NRCAM: variants seen among roughly 807,000 people sequenced by gnomAD.
NRCAM encodes NgCAM-related cell adhesion molecule.
NRCAM carries 83 observed loss-of-function variants against 156.5 expected under a neutral mutation model. The observed-to-expected ratio is 0.53, with a 90% confidence interval of 0.44 to 0.64. The LOEUF (loss-of-function observed/expected upper bound fraction) is 0.64, where lower values mean the gene tolerates loss of function less well. NRCAM is among the 30% of genes least tolerant of loss of function. The pLI is 0.00. For synonymous variants in NRCAM, 538 were observed against 563.9 expected (o/e 0.95, Z 0.65); for missense variants, 1,417 against 1,597.3 (o/e 0.89, Z 1.92).
chr7:108,218,357 A>C (rs573212897), intron 11 of NRCAM, among the ~76,000 whole-genome samples: 1 of 152,328 alleles, frequency 6.6e-6, no homozygotes, highest in Admixed American at 6.5e-5. Flanking sequence ...TGGGAGCTGC[A>C]GATTGGAGCT....
intron 2 of NRCAM, among the ~76,000 whole-genome samples, chr7:108,359,428 C>T (rs2099533278): frequency 6.6e-6 from 1 of 152,146 alleles, no homozygotes. Flanking sequence ...TGATATGATA[C>T]TTGAAGGAAG....
At chr7:108,454,363 G>T (rs1205873412) in intron 1 of NRCAM, among the ~76,000 whole-genome samples, 1 of 152,194 alleles carries the variant, frequency 6.6e-6, no homozygotes, top group African/African-American at 2.4e-5. Context: ...GGATTGTAAA[G>T]CACAAGGACA....
chr7:108,414,248 A>G (rs75226070), intron 1 of NRCAM, among the ~76,000 whole-genome samples: 2,735 of 152,258 alleles, frequency 0.018, 83 homozygotes, highest in African/African-American at 0.06. Flanking sequence ...GATCCCAAAG[A>G]CCTGTCTGCA....
intron 13 of NRCAM, among the ~76,000 whole-genome samples, chr7:108,206,576 C>T (rs535732727): frequency 7.2e-5 from 11 of 152,264 alleles, no homozygotes; most frequent in African/African-American, 2.4e-4. Context: ...TTGAAAGATG[C>T]TCCTCTCGGC....
intron 1 of NRCAM, among the ~76,000 whole-genome samples, chr7:108,425,040 A>G (rs1352076630): frequency 6.6e-6 from 1 of 152,128 alleles, no homozygotes; most frequent in Non-Finnish European, 1.5e-5. Context: ...GTGCCTTAGG[A>G]CATTAGAGTT....
At chr7:108,285,695 T>C (rs2098070933) in intron 3 of NRCAM, among the ~76,000 whole-genome samples, 1 of 152,242 alleles carries the variant, frequency 6.6e-6, no homozygotes, top group Non-Finnish European at 1.5e-5. Context: ...CAAAACTCCT[T>C]TGGACAAAGT....
chr7:108,444,052 C>T (rs12705470), intron 1 of NRCAM, among the ~76,000 whole-genome samples: 37,492 of 151,858 alleles, frequency 0.25, 4,942 homozygotes, highest in Non-Finnish European at 0.29. Flanking sequence ...CAACCAATCA[C>T]TGATGGAAAA....
chr7:108,282,914 C>T (rs1410236686), intron 3 of NRCAM, among the ~76,000 whole-genome samples: 2 of 152,218 alleles, frequency 1.3e-5, no homozygotes, highest in Non-Finnish European at 2.9e-5. Context: ...GCCCAGGCCA[C>T]AGGCCCTATC....
chr7:108,180,361 T>C lies in NRCAM; in HGVS notation c.2713A>G (p.Thr905Ala). 1 of 1,614,188 alleles carries C rather than the reference T, an allele frequency of 6.2e-7. No individual in the cohort carries two copies. Among genetic ancestry groups the C allele is most frequent in the Non-Finnish European group, 8.5e-7 (1 of 1,180,024 alleles). The change falls in exon 25 of 33, where the codon ACC (threonine) becomes GCC (alanine). Residue 905 changes from threonine to alanine, a missense_variant. Thr to Ala is a moderately conservative substitution (Grantham distance 58). This residue lies in a region of NRCAM where 1,238 missense variants were observed against 1,336.4 expected (regional missense o/e 0.93). Transcript: ENST00000379028. ...NRRHIEKKILTFQGSKTHGML... is the reference protein window; with the variant it reads ...NRRHIEKKILAFQGSKTHGML... ...CCATGAGTCTTGCTGCCTTGGAAGG[T>C]GAGGATCTTTTTCTCAATGTGACGT...
intron 3 of NRCAM, among the ~76,000 whole-genome samples, chr7:108,293,986 A>G (rs1592052908): frequency 6.6e-6 from 1 of 152,174 alleles, no homozygotes; most frequent in East Asian, 1.9e-4. Flanking sequence ...TTTGCACCCT[A>G]AATTTCTCAT....
chr7:108,379,659 T>C lies in NRCAM; in HGVS notation c.-174+19777A>G, dbSNP rs2099692463. Among the ~76,000 whole-genome samples, 4 of 152,154 alleles carry C rather than the reference T, an allele frequency of 2.6e-5. No individual in the cohort carries two copies. The South Asian group carries it at 8.3e-4, about 31-fold the overall frequency. On this transcript the variant is annotated intron_variant, in intron 2 of 32. Transcript: ENST00000379028. Reference sequence around the variant, plus strand: ...TTTTTTTTAATCACAAAGGATAAGATGTCACAAAAGTGACCAGGCAGATGT... The same window carrying C: ...TTTTTTTTAATCACAAAGGATAAGACGTCACAAAAGTGACCAGGCAGATGT...
At chr7:108,356,601 A>G (rs1594900589) in intron 2 of NRCAM, among the ~76,000 whole-genome samples, 1 of 152,316 alleles carries the variant, frequency 6.6e-6, no homozygotes, top group Admixed American at 6.5e-5. Flanking sequence ...AGAGAAAAAG[A>G]CTGTTTTTTA....
At chr7:108,249,977 T>A (rs1445538862) in intron 3 of NRCAM, among the ~76,000 whole-genome samples, 1 of 152,148 alleles carries the variant, frequency 6.6e-6, no homozygotes, top group Non-Finnish European at 1.5e-5. Context: ...AGAAGGGAAA[T>A]CAGTGTATTA....
In NRCAM at chr7:108,191,787, C is replaced by T. The variant is rs367763064; in HGVS notation, c.1845G>A (p.Thr615=). The change falls in exon 18 of 33, where the codon ACG becomes ACA. Residue 615 remains threonine, a synonymous_variant. Transcript: ENST00000379028. ...TGTCCAGAGTGGTGTTGGCCACACACGTGTAGGTCCCGCTGTCATCGTCAC... is the reference window on the plus strand; with the variant it reads ...TGTCCAGAGTGGTGTTGGCCACACATGTGTAGGTCCCGCTGTCATCGTCAC... ...DVSDDDSGTY[T]CVANTTLDSV... is the part of the protein sequence containing the mutation. 64 of 1,613,974 alleles carry T rather than the reference C, an allele frequency of 4.0e-5. 1 individual carries two copies. In the South Asian group the frequency reaches 6.0e-4, roughly 15 times the overall value.
At chr7:108,319,701 G>T (rs1252682280) in intron 2 of NRCAM, among the ~76,000 whole-genome samples, 2 of 152,184 alleles carry the variant, frequency 1.3e-5, no homozygotes, top group African/African-American at 4.8e-5. Context: ...ACTTTTCTAA[G>T]GAAATGATGA....
At chr7:108,169,708 AT>A (rs2057273558) in intron 28 of NRCAM, among the ~76,000 whole-genome samples, 1 of 152,108 alleles carries the variant, frequency 6.6e-6, no homozygotes, top group African/African-American at 2.4e-5. Context: ...GTTTTCCGAG[AT>A]TTTCTTCTTA....
chr7:108,299,125 A>G (rs1269850549), intron 3 of NRCAM, among the ~76,000 whole-genome samples: 1 of 108,298 alleles, frequency 9.2e-6, no homozygotes. Context: ...AAAGAAAGAA[A>G]GAAAGAAAGA....
At chr7:108,237,190 G>A (rs1282883138) in intron 5 of NRCAM, among the ~76,000 whole-genome samples, 2 of 152,292 alleles carry the variant, frequency 1.3e-5, no homozygotes, top group Admixed American at 6.5e-5. Flanking sequence ...TTTGCTCAGA[G>A]CAAGCCATTC....
chr7:108,443,942 A>G (rs1841638353), intron 1 of NRCAM, among the ~76,000 whole-genome samples: 3 of 152,272 alleles, frequency 2.0e-5, no homozygotes, highest in Middle Eastern at 6.8e-3. Context: ...ATACAGGTGT[A>G]GGTATAGATT....
Sources: allele counts gnomAD v4.1 joint callset (sites outside exome capture counted in the v4.1 genomes callset), GRCh38; gene constraint gnomAD v4.1.1; regional missense constraint gnomAD v4.1.1; transcripts MANE v1.5; gene names NCBI Gene and HGNC (gene_info 2026-07-23, HGNC 2026-07-21).